Variants in KCNAB1 observed in about 807,000 individuals in gnomAD.
KCNAB1 encodes potassium voltage-gated channel subfamily A regulatory beta subunit 1.
A neutral mutation model predicts 64.6 loss-of-function variants in KCNAB1; 35 were observed. The ratio of observed to expected loss-of-function variants is 0.54; its 90% CI spans 0.41 to 0.72. KCNAB1 has a LOEUF of 0.72. Among genes scored for constraint, KCNAB1 ranks in the 30% least tolerant of loss-of-function variants. The pLI, the probability that KCNAB1 is intolerant of heterozygous loss-of-function variation, is 0.00. For synonymous variants in KCNAB1, 177 were observed against 183.8 expected (o/e 0.96, Z 0.30); for missense variants, 401 against 512.9 (o/e 0.78, Z 2.11).
chr3:156,227,096 A>G (rs9856623), intron 1 of KCNAB1, among the ~76,000 whole-genome samples: 3,343 of 152,316 alleles, frequency 0.022, 151 homozygotes, highest in African/African-American at 0.076. Flanking sequence ...ATTCTATTCT[A>G]TAATATTTAA....
chr3:156,465,815 G>A, intron 7 of KCNAB1, 129 bp downstream of exon 7: 1 of 749,922 alleles, frequency 1.3e-6, no homozygotes. Flanking sequence ...AATCAACCAA[G>A]TTTCTTCTTG....
rs555942149 is a variant in KCNAB1 at position 156,399,069 on chromosome 3, GT to G, written c.276-22544del. Among the ~76,000 whole-genome samples, 36 of 152,282 alleles carry G rather than the reference GT, an allele frequency of 2.4e-4. No homozygotes were observed. The East Asian group carries it at 6.8e-3, about 29-fold the overall frequency. ...TTCCATTCACATTGCCTTAGCAGGT[GT>G]TTGGGGCAACATTTGGGCATTTTTT... On this transcript the variant is annotated intron_variant, in intron 1 of 13. Coordinates refer to ENST00000490337, the MANE Select transcript of KCNAB1 (RefSeq NM_172160.3).
chr3:156,252,253 G>A lies in KCNAB1; in HGVS notation c.275+131367G>A, dbSNP rs141546700. On this transcript the variant is annotated intron_variant, in intron 1 of 13. Transcript: ENST00000490337. Reference sequence around the variant, plus strand: ...CATGTGAATCTGTTCCCTGGCACACGCTTAATGTCATTCGTAGTAGAACCA... The same window carrying A: ...CATGTGAATCTGTTCCCTGGCACACACTTAATGTCATTCGTAGTAGAACCA... 2.7e-3 allele frequency among the ~76,000 whole-genome samples: 410 copies of A among 152,346 alleles called. 1 individual carries two copies. Among genetic ancestry groups the A allele is most frequent in the African/African-American group, 9.4e-3 (390 of 41,588 alleles).
chr3:156,538,907 C>T (rs1369728821), downstream of KCNAB1: 2 of 152,204 alleles, frequency 1.3e-5, no homozygotes, highest in East Asian at 3.8e-4. Flanking sequence ...CACAAATTCA[C>T]TTTTAAAAAC....
At chr3:156,259,909 C>T (rs1718328130) in intron 1 of KCNAB1, among the ~76,000 whole-genome samples, 1 of 152,144 alleles carries the variant, frequency 6.6e-6, no homozygotes, top group African/African-American at 2.4e-5. Context: ...GCTGCTCTGC[C>T]ATCTCTGCGT....
chr3:156,369,962 A>G (rs763990139), intron 1 of KCNAB1, among the ~76,000 whole-genome samples: 9 of 152,240 alleles, frequency 5.9e-5, no homozygotes, highest in Non-Finnish European at 8.8e-5. Context: ...ACTAAATGTC[A>G]TTAACGTTGC....
intron 1 of KCNAB1, among the ~76,000 whole-genome samples, chr3:156,293,129 A>G (rs1038806957): frequency 6.6e-6 from 1 of 152,208 alleles, no homozygotes; most frequent in Non-Finnish European, 1.5e-5. Context: ...GGCATGACTT[A>G]CATTTGACAA....
chr3:156,425,461 G>A (rs1311079295), intron 2 of KCNAB1, among the ~76,000 whole-genome samples: 2 of 152,146 alleles, frequency 1.3e-5, no homozygotes, highest in Non-Finnish European at 2.9e-5. Context: ...TTAATATTAT[G>A]TGGCCAATCC....
chr3:156,261,136 C>G (rs1718407165), intron 1 of KCNAB1, among the ~76,000 whole-genome samples: 1 of 152,036 alleles, frequency 6.6e-6, no homozygotes, highest in East Asian at 1.9e-4. Flanking sequence ...TCCATGCATT[C>G]TGAATACAGG....
At chr3:156,197,750 A>C (rs922351910) in intron 1 of KCNAB1, among the ~76,000 whole-genome samples, 2 of 152,004 alleles carry the variant, frequency 1.3e-5, no homozygotes, top group Admixed American at 6.6e-5. Flanking sequence ...ACCAGCTCCT[A>C]TATTCATTGA....
chr3:156,301,789 A>G (rs1476311373), intron 1 of KCNAB1, among the ~76,000 whole-genome samples: 2 of 152,200 alleles, frequency 1.3e-5, no homozygotes, highest in African/African-American at 4.8e-5. Flanking sequence ...GAGAACTCCA[A>G]ATTTCACCAG....
chr3:156,290,336 TG>T (rs1324135846), intron 1 of KCNAB1, among the ~76,000 whole-genome samples: 1 of 152,228 alleles, frequency 6.6e-6, no homozygotes, highest in Non-Finnish European at 1.5e-5. Flanking sequence ...GAAATATTGT[TG>T]CGTTAAATAC....
intron 1 of KCNAB1, among the ~76,000 whole-genome samples, chr3:156,229,598 GAT>G (rs1716397110): frequency 6.6e-6 from 1 of 152,212 alleles, no homozygotes; most frequent in South Asian, 2.1e-4. Flanking sequence ...GGAGTAAGAT[GAT>G]ATAGAGTCAT....
At chr3:156,196,748 T>A (rs1458040828) in intron 1 of KCNAB1, among the ~76,000 whole-genome samples, 1 of 152,136 alleles carries the variant, frequency 6.6e-6, no homozygotes, top group Non-Finnish European at 1.5e-5. Flanking sequence ...AATCATGTCA[T>A]CTGCAAACAG....
chr3:156,469,258 T>C (rs1178220966), intron 7 of KCNAB1, among the ~76,000 whole-genome samples: 2 of 134,066 alleles, frequency 1.5e-5, no homozygotes, highest in South Asian at 2.7e-4. Flanking sequence ...CTTTTTTTTT[T>C]TTTTTTTTTT....
chr3:156,429,221 A>C (rs1264541095), intron 2 of KCNAB1, among the ~76,000 whole-genome samples: 7 of 152,230 alleles, frequency 4.6e-5, no homozygotes, highest in African/African-American at 7.2e-5. Context: ...GGATGGATTA[A>C]GATAGAAAAA....
At chr3:156,464,303 A>G (rs1187955784) in intron 6 of KCNAB1, among the ~76,000 whole-genome samples, 1 of 152,170 alleles carries the variant, frequency 6.6e-6, no homozygotes, top group Admixed American at 6.5e-5. Flanking sequence ...TACAGAGAAG[A>G]TTTCACAGGA....
intron 1 of KCNAB1, among the ~76,000 whole-genome samples, chr3:156,158,061 A>G (rs1715829489): frequency 6.6e-6 from 1 of 151,640 alleles, no homozygotes; most frequent in South Asian, 2.1e-4. Context: ...GCTACTGGGA[A>G]GGCTGAGGCA....
chr3:156,288,089 C>T (rs554507808), intron 1 of KCNAB1, among the ~76,000 whole-genome samples: 8 of 152,332 alleles, frequency 5.3e-5, no homozygotes, highest in African/African-American at 1.9e-4. Flanking sequence ...GTACTTGCAG[C>T]ATTGGTTTTC....
Sources: gnomAD v4.1 joint callset for allele counts (sites outside exome capture counted in the v4.1 genomes callset) on GRCh38, gnomAD v4.1.1 for gene constraint, MANE v1.5 for transcripts, NCBI Gene and HGNC (gene_info 2026-07-23, HGNC 2026-07-21) for gene names.